MCPH1: variants seen among roughly 807,000 people sequenced by gnomAD.
The protein encoded by MCPH1 is microcephalin 1.
A neutral mutation model predicts 84.5 loss-of-function variants in MCPH1; 104 were observed. The observed-to-expected ratio is 1.23, with a 90% CI of 1.05 to 1.45. The LOEUF (loss-of-function observed/expected upper bound fraction) is 1.45, where lower values mean the gene tolerates loss of function less well. Among genes scored for constraint, MCPH1 ranks in the 40% most tolerant of loss-of-function variants. The pLI is 0.00. For missense variants in MCPH1, 1,498 were observed against 1,005.7 expected (o/e 1.49, Z -6.62); for synonymous variants, 514 against 366.8 (o/e 1.40, Z -4.58).
At chr8:6,514,539 G>A in intron 12 of MCPH1, 1 of 732,934 alleles carries the variant, frequency 1.4e-6, no homozygotes, top group Admixed American at 2.2e-5. Flanking sequence ...TCTTTAAAGG[G>A]GAGACTGAAG....
chr8:6,498,350 A>G (rs1366651324), intron 11 of MCPH1, among the ~76,000 whole-genome samples: 1 of 152,222 alleles, frequency 6.6e-6, no homozygotes, highest in Non-Finnish European at 1.5e-5. Context: ...TCGGCCAATG[A>G]AACTACTAGA....
chr8:6,625,044 T>A (rs1298501178), intron 13 of MCPH1: 2 of 516,348 alleles, frequency 3.9e-6, no homozygotes, highest in African/African-American at 4.2e-5. Flanking sequence ...CCAGGTAATT[T>A]TTGTATTTTT....
At chr8:6,480,142 G>A (rs1282588504) in intron 10 of MCPH1, among the ~76,000 whole-genome samples, 1 of 98,716 alleles carries the variant, frequency 1.0e-5, no homozygotes. Flanking sequence ...TTTTTTTTTT[G>A]AGACGGAGTC....
intron 11 of MCPH1, among the ~76,000 whole-genome samples, chr8:6,482,611 G>C (rs535224000): frequency 6.6e-6 from 1 of 152,274 alleles, no homozygotes; most frequent in South Asian, 2.1e-4. Context: ...ATTCTTCTGG[G>C]ACTTGGAGCA....
intron 13 of MCPH1, chr8:6,625,047 G>C (rs1831921745): frequency 1.9e-6 from 1 of 515,702 alleles, no homozygotes; most frequent in Non-Finnish European, 2.5e-6. Flanking sequence ...GGTAATTTTT[G>C]TATTTTTAGT....
chr8:6,503,368 G>C, intron 12 of MCPH1: 2 of 1,125,068 alleles, frequency 1.8e-6, no homozygotes, highest in Non-Finnish European at 2.6e-6. Flanking sequence ...GGCGTGTGGA[G>C]TAGGCACATG....
rs547495524 is a variant in MCPH1 at position 6,510,590 on chromosome 8, C to A, written c.2214+10661C>A. Among the ~76,000 whole-genome samples the A allele has an allele frequency of 3.0e-4, 45 of 152,336 alleles. 2 individuals are homozygous for A. The highest frequency in any genetic ancestry group is 1.1e-3 in the African/African-American group (45 of 41,582). ...AACCACCTGCAGTGGTGGCCGCCAT[C>A]TTTGTTTTGGCACTGAAAGTCACTG... On this transcript the variant is annotated intron_variant, in intron 12 of 13. Transcript: ENST00000344683.
intron 13 of MCPH1, chr8:6,626,759 C>T: frequency 5.1e-6 from 5 of 985,234 alleles, no homozygotes; most frequent in Non-Finnish European, 6.0e-6. Flanking sequence ...TTGGGTGGAG[C>T]TCTGAGCCCT....
intron 12 of MCPH1, among the ~76,000 whole-genome samples, chr8:6,518,542 C>T (rs776793068): frequency 2.6e-5 from 4 of 152,070 alleles, no homozygotes; most frequent in African/African-American, 4.8e-5. Context: ...TTATCTTTTC[C>T]GTTCATAATC....
intron 9 of MCPH1, among the ~76,000 whole-genome samples, chr8:6,463,493 G>A (rs1410463301): frequency 6.6e-6 from 1 of 152,226 alleles, no homozygotes; most frequent in Non-Finnish European, 1.5e-5. Flanking sequence ...TGCGGAGGCA[G>A]TAGATTGGGA....
intron 12 of MCPH1, among the ~76,000 whole-genome samples, chr8:6,581,025 T>C (rs1827528073): frequency 6.6e-6 from 1 of 152,204 alleles, no homozygotes; most frequent in Non-Finnish European, 1.5e-5. Context: ...TTACATAGCA[T>C]TTACATTGTA....
chr8:6,449,080 C>G (rs772868197), intron 8 of MCPH1, among the ~76,000 whole-genome samples: 1 of 152,110 alleles, frequency 6.6e-6, no homozygotes, highest in Non-Finnish European at 1.5e-5. Flanking sequence ...TTTATTAAGG[C>G]TGATTTGTAA....
intron 3 of MCPH1, among the ~76,000 whole-genome samples, chr8:6,419,428 C>T (rs146242966): frequency 6.6e-6 from 1 of 151,272 alleles, no homozygotes; most frequent in Admixed American, 6.6e-5. Flanking sequence ...GAGATGGAGT[C>T]TTGCTCTGTG....
At chr8:6,580,120 G>A (rs1302116112) in intron 12 of MCPH1, among the ~76,000 whole-genome samples, 6 of 152,276 alleles carry the variant, frequency 3.9e-5, no homozygotes, top group South Asian at 4.1e-4. Flanking sequence ...GGGAAGTATC[G>A]GTAGACGCTA....
At chr8:6,560,577 C>T (rs1332779119) in intron 12 of MCPH1, among the ~76,000 whole-genome samples, 1 of 152,122 alleles carries the variant, frequency 6.6e-6, no homozygotes, top group Non-Finnish European at 1.5e-5. Context: ...GCTGGGAGAA[C>T]AGGTGTGGAG....
chr8:6,521,191 C>T (rs771042964), intron 12 of MCPH1: 1 of 1,613,090 alleles, frequency 6.2e-7, no homozygotes, highest in African/African-American at 1.3e-5. Flanking sequence ...TTGATGTGGA[C>T]ATCATAGTCA....
intron 12 of MCPH1, among the ~76,000 whole-genome samples, chr8:6,570,885 C>T (rs1826606851): frequency 7.1e-6 from 1 of 141,756 alleles, no homozygotes; most frequent in Admixed American, 7.4e-5. Flanking sequence ...ACCAGCCTAA[C>T]ATCTGCTAAA....
At chr8:6,632,129 T>A (rs541803681) in intron 13 of MCPH1, among the ~76,000 whole-genome samples, 1 of 152,292 alleles carries the variant, frequency 6.6e-6, no homozygotes, top group African/African-American at 2.4e-5. Flanking sequence ...GAACTTAGAA[T>A]AGACAAAGTC....
At chr8:6,578,679 A>T (rs1039389887) in intron 12 of MCPH1, among the ~76,000 whole-genome samples, 1 of 152,206 alleles carries the variant, frequency 6.6e-6, no homozygotes, top group African/African-American at 2.4e-5. Flanking sequence ...TGTATTTTGG[A>T]TAGGTGTCAA....
Sources: gnomAD v4.1 joint callset for allele counts (sites outside exome capture counted in the v4.1 genomes callset) on GRCh38, gnomAD v4.1.1 for gene constraint, MANE v1.5 for transcripts, NCBI Gene and HGNC (gene_info 2026-07-23, HGNC 2026-07-21) for gene names.